The following UTRN variants were observed in gnomAD, a reference collection of about 807,000 sequenced individuals.
UTRN encodes utrophin.
Under a neutral mutation model 463.9 loss-of-function variants are expected in UTRN, and 283 were observed. That is an observed-to-expected ratio of 0.61 (90% CI 0.55 to 0.67). The LOEUF (loss-of-function observed/expected upper bound fraction) is 0.67. Ranked by LOEUF, UTRN falls within the 30% of genes least tolerant of loss-of-function variation. UTRN has a pLI of 0.00. For missense variants in UTRN, 3,922 were observed against 4,084.3 expected (o/e 0.96, Z 1.08); for synonymous variants, 1,442 against 1,431.5 (o/e 1.01, Z -0.17).
intron 2 of UTRN, among the ~76,000 whole-genome samples, chr6:144,342,340 CAT>C (rs201972524): frequency 2.7e-5 from 3 of 112,092 alleles, no homozygotes; most frequent in East Asian, 2.4e-4. Flanking sequence ...TGGGTACACA[CAT>C]ACACACACAC....
chr6:144,340,280 T>C (rs1338889874), intron 2 of UTRN, among the ~76,000 whole-genome samples: 1 of 152,182 alleles, frequency 6.6e-6, no homozygotes, highest in African/African-American at 2.4e-5. Context: ...TTGGCTCTAG[T>C]TCTTGTTGGT....
At chr6:144,339,612 T>C (rs922085342) in intron 2 of UTRN, among the ~76,000 whole-genome samples, 1 of 152,156 alleles carries the variant, frequency 6.6e-6, no homozygotes, top group Non-Finnish European at 1.5e-5. Context: ...GATAAAACTT[T>C]GAAAAATAAG....
At chr6:144,820,821 T>A in intron 65 of UTRN, 61 bp from the exon 66 acceptor site, 1 of 1,556,560 alleles carries the variant, frequency 6.4e-7, no homozygotes, top group Non-Finnish European at 8.7e-7. Flanking sequence ...TCTGATTTTG[T>A]TATAGATAGT....
intron 26 of UTRN, among the ~76,000 whole-genome samples, chr6:144,481,676 C>T (rs1176060658): frequency 1.3e-5 from 2 of 151,372 alleles, no homozygotes; most frequent in African/African-American, 4.8e-5. Flanking sequence ...CTTACGTTAA[C>T]ACTGCTGTTA....
At chr6:144,764,087 T>TA (rs904746088) in intron 58 of UTRN, among the ~76,000 whole-genome samples, 1 of 152,202 alleles carries the variant, frequency 6.6e-6, no homozygotes, top group African/African-American at 2.4e-5. Flanking sequence ...ACTCTGTTTT[T>TA]ACTGAAAATA....
At chr6:144,694,877 T>A (rs1394701368) in intron 52 of UTRN, among the ~76,000 whole-genome samples, 2 of 152,046 alleles carry the variant, frequency 1.3e-5, no homozygotes, top group African/African-American at 4.8e-5. Flanking sequence ...GGTTTTTTTG[T>A]GTCTCAGTCT....
chr6:144,648,205 A>G (rs1778470064), intron 51 of UTRN, among the ~76,000 whole-genome samples: 1 of 152,198 alleles, frequency 6.6e-6, no homozygotes. Context: ...TCCTTCAGTA[A>G]TATAGAGAAA....
At chr6:144,386,360 A>G (rs930220189) in intron 2 of UTRN, among the ~76,000 whole-genome samples, 4 of 152,080 alleles carry the variant, frequency 2.6e-5, no homozygotes, top group Non-Finnish European at 5.9e-5. Context: ...TGGGAGGCAG[A>G]GGTGGGAGAA....
chr6:144,324,660 A>C (rs2114591559), intron 2 of UTRN, among the ~76,000 whole-genome samples: 1 of 152,352 alleles, frequency 6.6e-6, no homozygotes, highest in East Asian at 1.9e-4. Context: ...TCCTGTGTAT[A>C]AATTAAAGAG....
intron 1 of UTRN, among the ~76,000 whole-genome samples, chr6:144,287,670 C>T (rs932254479): frequency 3.3e-5 from 5 of 152,040 alleles, no homozygotes; most frequent in African/African-American, 9.7e-5. Flanking sequence ...AGGCTGTCAC[C>T]TTATGTTTAT....
At chr6:144,538,893 T>G (rs1270213648) in intron 44 of UTRN, among the ~76,000 whole-genome samples, 1 of 152,234 alleles carries the variant, frequency 6.6e-6, no homozygotes, top group Non-Finnish European at 1.5e-5. Context: ...CTTTTTTACC[T>G]AAAAATTTCA....
At chr6:144,821,333 A>T (rs1459163395) in intron 66 of UTRN, among the ~76,000 whole-genome samples, 2 of 152,088 alleles carry the variant, frequency 1.3e-5, no homozygotes, top group East Asian at 3.8e-4. Context: ...GTGTGGCATT[A>T]TATAGTCTTT....
At chr6:144,828,632 C>G (rs1586745270) in intron 68 of UTRN, among the ~76,000 whole-genome samples, 158 bp from the exon 69 acceptor site, 1 of 152,122 alleles carries the variant, frequency 6.6e-6, no homozygotes, top group East Asian at 1.9e-4. Flanking sequence ...AAAGGTAGCT[C>G]AACATGAAAC....
At chr6:144,541,459 A>G (rs946215373) in intron 45 of UTRN, among the ~76,000 whole-genome samples, 1 of 152,220 alleles carries the variant, frequency 6.6e-6, no homozygotes, top group African/African-American at 2.4e-5. Context: ...TTATTGCAGA[A>G]TTTCATGTAA....
intron 51 of UTRN, among the ~76,000 whole-genome samples, chr6:144,626,249 A>T (rs749436574): frequency 1.3e-5 from 2 of 152,190 alleles, no homozygotes; most frequent in Non-Finnish European, 2.9e-5. Context: ...TATTTCAACA[A>T]ACATCTGAAA....
chr6:144,604,422 T>C (rs1392068955), intron 51 of UTRN, among the ~76,000 whole-genome samples: 1 of 152,196 alleles, frequency 6.6e-6, no homozygotes, highest in Non-Finnish European at 1.5e-5. Flanking sequence ...TCTAGGCCGA[T>C]CTGCAAGATT....
At chr6:144,559,551 G>A (rs1248404468) in intron 50 of UTRN, among the ~76,000 whole-genome samples, 1 of 152,080 alleles carries the variant, frequency 6.6e-6, no homozygotes, top group Non-Finnish European at 1.5e-5. Flanking sequence ...GCTTGTGAAT[G>A]TATATTTAAC....
chr6:144,469,910 G>T (rs964688878), intron 23 of UTRN, among the ~76,000 whole-genome samples: 1 of 151,842 alleles, frequency 6.6e-6, no homozygotes, highest in Non-Finnish European at 1.5e-5. Flanking sequence ...GACTCTTAAC[G>T]AGCATGCTGC....
At chr6:144,566,980 C>T (rs1800462592) in intron 50 of UTRN, among the ~76,000 whole-genome samples, 1 of 151,906 alleles carries the variant, frequency 6.6e-6, no homozygotes, top group South Asian at 2.1e-4. Context: ...AACCTCATCT[C>T]TACAAAAAAT....
Sources: allele counts gnomAD v4.1 joint callset (sites outside exome capture counted in the v4.1 genomes callset), GRCh38; gene constraint gnomAD v4.1.1; transcripts MANE v1.5; gene names NCBI Gene and HGNC (gene_info 2026-07-23, HGNC 2026-07-21).